GABBR2: variants seen among roughly 807,000 people sequenced by gnomAD.
The protein encoded by GABBR2 is gamma-aminobutyric acid type B receptor subunit 2.
In GABBR2, 23 loss-of-function variants were observed where a neutral mutation model predicts 105.6. That is an observed-to-expected ratio of 0.22 (90% CI 0.16 to 0.31). The LOEUF is 0.31. Among genes scored for constraint, GABBR2 ranks in the 10% least tolerant of loss-of-function variants. The pLI is 1.00. For synonymous variants in GABBR2, 478 were observed against 499.7 expected, an observed-to-expected ratio of 0.96 and a Z score of 0.58; for missense variants, 734 against 1,245.5, an observed-to-expected ratio of 0.59 and a Z score of 6.18.
In GABBR2 at chr9:98,306,113, G is replaced by A. The variant is rs750898498; in HGVS notation, c.2229+8C>T. 48 of 1,605,092 alleles carry A rather than the reference G, an allele frequency of 3.0e-5. No homozygotes were observed. Among genetic ancestry groups the A allele is most frequent in the East Asian group, 2.5e-4 (11 of 44,776 alleles). On this transcript the variant is annotated splice_region_variant and intron_variant, in intron 15 of 18. Transcript: ENST00000259455. This position sits in a 1 kb window ranked among gnomAD's most constrained non-coding sequence, Gnocchi z 5.4. ...GCAGAGGCCAGGTGGTGGGGCCAGC[G>A]CCTGTACCTTCGGCACGAATACCAG... is the stretch of plus-strand genomic sequence containing the variant.
chr9:98,579,846 T>C (rs1828974927), intron 1 of GABBR2, among the ~76,000 whole-genome samples: 1 of 152,128 alleles, frequency 6.6e-6, no homozygotes, highest in African/African-American at 2.4e-5. Context: ...TCACTGAAAA[T>C]CAGCATATCT....
At chr9:98,701,456 C>T (rs1830829345) in intron 1 of GABBR2, among the ~76,000 whole-genome samples, 1 of 152,104 alleles carries the variant, frequency 6.6e-6, no homozygotes, top group African/African-American at 2.4e-5. Flanking sequence ...GTTTGCTTAG[C>T]CCTGATATGT....
At chr9:98,417,017 G>A (rs1430822448) in intron 7 of GABBR2, among the ~76,000 whole-genome samples, 2 of 152,138 alleles carry the variant, frequency 1.3e-5, no homozygotes, top group African/African-American at 4.8e-5. Context: ...CTTTGGCAAC[G>A]GCAATGCTCC....
At chr9:98,563,847 A>AATAG (rs1265460147) in intron 2 of GABBR2, among the ~76,000 whole-genome samples, 1 of 152,196 alleles carries the variant, frequency 6.6e-6, no homozygotes, top group East Asian at 1.9e-4. Context: ...TTCAAAGCAA[A>AATAG]AGCCTTCTGT....
chr9:98,540,082 G>A (rs568895539), intron 3 of GABBR2, among the ~76,000 whole-genome samples: 1 of 152,212 alleles, frequency 6.6e-6, no homozygotes, highest in Admixed American at 6.5e-5. Context: ...TATGAAGGCG[G>A]CCTTTCAGCA....
At chr9:98,605,826 G>T (rs1338769703) in intron 1 of GABBR2, among the ~76,000 whole-genome samples, 1 of 151,980 alleles carries the variant, frequency 6.6e-6, no homozygotes, top group African/African-American at 2.4e-5. Flanking sequence ...TGTGCACAAC[G>T]TGGTCTGTTA....
intron 11 of GABBR2, among the ~76,000 whole-genome samples, chr9:98,378,311 A>G (rs987902969): frequency 9.2e-5 from 14 of 152,028 alleles, no homozygotes; most frequent in African/African-American, 3.4e-4. Context: ...CATCCATCTG[A>G]GCAGAGTGAA....
chr9:98,430,204 C>A (rs900001306), intron 7 of GABBR2, among the ~76,000 whole-genome samples: 3 of 149,688 alleles, frequency 2.0e-5, no homozygotes, highest in African/African-American at 7.4e-5. Flanking sequence ...GCAGGGGAAT[C>A]GCTTGAACCC....
chr9:98,362,090 C>A (rs1322463155), intron 13 of GABBR2, among the ~76,000 whole-genome samples: 1 of 152,226 alleles, frequency 6.6e-6, no homozygotes, highest in Middle Eastern at 3.2e-3. Flanking sequence ...TCAGCTGTAG[C>A]CCGCAAAGAC....
At chr9:98,477,241 T>C (rs1459118204) in intron 5 of GABBR2, among the ~76,000 whole-genome samples, 1 of 152,196 alleles carries the variant, frequency 6.6e-6, no homozygotes, top group Non-Finnish European at 1.5e-5. Flanking sequence ...ACCTTGATTT[T>C]TGTTTTCTTT....
intron 3 of GABBR2, among the ~76,000 whole-genome samples, chr9:98,514,779 C>A (rs1273505469): frequency 6.6e-6 from 1 of 152,004 alleles, no homozygotes; most frequent in Non-Finnish European, 1.5e-5. Flanking sequence ...TGCACATGTA[C>A]CCTAAAACTT....
chr9:98,509,432 C>T (rs1053362743), intron 3 of GABBR2, among the ~76,000 whole-genome samples: 17 of 152,100 alleles, frequency 1.1e-4, no homozygotes, highest in Non-Finnish European at 5.9e-5. Context: ...ATGACTTTGA[C>T]GAGTTGAGAG....
chr9:98,612,817 T>A (rs1829524105), intron 1 of GABBR2, among the ~76,000 whole-genome samples: 1 of 152,118 alleles, frequency 6.6e-6, no homozygotes. Flanking sequence ...CATTGAGAAT[T>A]CTCTGGGGTA....
At chr9:98,591,048 T>C (rs1291844642) in intron 1 of GABBR2, among the ~76,000 whole-genome samples, 1 of 152,008 alleles carries the variant, frequency 6.6e-6, no homozygotes, top group Non-Finnish European at 1.5e-5. Flanking sequence ...GAAGAGAAGA[T>C]TCAAACAAAA....
chr9:98,638,791 T>C (rs1829917050), intron 1 of GABBR2, among the ~76,000 whole-genome samples: 1 of 152,136 alleles, frequency 6.6e-6, no homozygotes, highest in African/African-American at 2.4e-5. Context: ...CCTGGACCCA[T>C]TTAGATTAAG....
At chr9:98,495,502 T>C (rs1000488351) in intron 4 of GABBR2, among the ~76,000 whole-genome samples, 1 of 152,128 alleles carries the variant, frequency 6.6e-6, no homozygotes. Flanking sequence ...GTCCCCAGGA[T>C]AACATATCAA....
At position 98,453,347 on chromosome 9, in the gene GABBR2, T is replaced by C. The variant is rs910469151; in HGVS notation, c.1236+634A>G. 2.6e-5 allele frequency among the ~76,000 whole-genome samples: 4 copies of C among 152,226 alleles called. No individual in the cohort carries two copies. In the South Asian group the frequency reaches 8.3e-4, roughly 32 times the overall value. ...GGCCTCTATGCCCTTTCTTTCTTTT[T>C]CTTTTCTTTTTTTCAGAACAGAAAG... On this transcript the variant is annotated intron_variant, in intron 7 of 18. Transcript: ENST00000259455.
chr9:98,645,348 T>C (rs1408482369), intron 1 of GABBR2, among the ~76,000 whole-genome samples: 2 of 152,060 alleles, frequency 1.3e-5, no homozygotes, highest in African/African-American at 4.8e-5. Context: ...GCAGGGCTGG[T>C]CTGAGGTTAC....
At chr9:98,572,652 A>G (rs1410423154) in intron 2 of GABBR2, among the ~76,000 whole-genome samples, 1 of 152,140 alleles carries the variant, frequency 6.6e-6, no homozygotes, top group Non-Finnish European at 1.5e-5. Context: ...GGCTTATAAT[A>G]AATGGGTCTA....
Sources: gnomAD v4.1 joint callset for allele counts (sites outside exome capture counted in the v4.1 genomes callset) on GRCh38, gnomAD v4.1.1 for gene constraint, Gnocchi (gnomAD v3.1) non-coding constraint, MANE v1.5 for transcripts, NCBI Gene and HGNC (gene_info 2026-07-23, HGNC 2026-07-21) for gene names.